PPP1R16B: variants seen among roughly 807,000 people sequenced by gnomAD.
PPP1R16B encodes protein phosphatase 1 regulatory subunit 16B.
Under a neutral mutation model 61.7 loss-of-function variants are expected in PPP1R16B, and 14 were observed. That is an observed-to-expected ratio of 0.23 (90% CI 0.15 to 0.35). The LOEUF (loss-of-function observed/expected upper bound fraction) is 0.35, where lower values mean the gene tolerates loss of function less well. Ranked by LOEUF, PPP1R16B falls within the 10% of genes least tolerant of loss-of-function variation. The pLI is 1.00. For missense variants in PPP1R16B, 547 were observed against 752.5 expected, an observed-to-expected ratio of 0.73 and a Z score of 3.19; for synonymous variants, 266 against 305.3, an observed-to-expected ratio of 0.87 and a Z score of 1.34.
chr20:38,898,811 A>AAACAAC (rs145367321), intron 4 of PPP1R16B, among the ~76,000 whole-genome samples: 3,394 of 150,196 alleles, frequency 0.023, 94 homozygotes, highest in African/African-American at 0.065. Flanking sequence ...CCTTGTTTCA[A>AAACAAC]AACAACAACA....
At chr20:38,810,579 C>G (rs1045670615) in intron 1 of PPP1R16B, among the ~76,000 whole-genome samples, 1 of 152,220 alleles carries the variant, frequency 6.6e-6, no homozygotes, top group Non-Finnish European at 1.5e-5. Flanking sequence ...ACTTGTTTCT[C>G]TCTTCCTGGG....
intron 7 of PPP1R16B, 122 bp downstream of exon 7, chr20:38,906,216 A>G: frequency 1.0e-6 from 1 of 978,972 alleles, no homozygotes; most frequent in Admixed American, 3.2e-5. Context: ...GGTGTTGAAT[A>G]TAGCTCATAT....
At chr20:38,883,570 T>G (rs2085219233) in intron 2 of PPP1R16B, among the ~76,000 whole-genome samples, 1 of 152,196 alleles carries the variant, frequency 6.6e-6, no homozygotes, top group Non-Finnish European at 1.5e-5. Context: ...GCCACCTCTT[T>G]GCCATCTCAG....
At chr20:38,811,079 T>C (rs1335288296) in intron 1 of PPP1R16B, among the ~76,000 whole-genome samples, 2 of 152,170 alleles carry the variant, frequency 1.3e-5, no homozygotes, top group Non-Finnish European at 2.9e-5. Context: ...GAGGTGTTCT[T>C]GGATGTCTCA....
At chr20:38,847,166 TC>T (rs1459603011) in intron 2 of PPP1R16B, among the ~76,000 whole-genome samples, 1 of 152,204 alleles carries the variant, frequency 6.6e-6, no homozygotes, top group African/African-American at 2.4e-5. Context: ...CCCTGCTATC[TC>T]CCCACCTCAT....
chr20:38,854,834 G>A (rs1318426620), intron 2 of PPP1R16B, among the ~76,000 whole-genome samples: 2 of 152,128 alleles, frequency 1.3e-5, no homozygotes, highest in Non-Finnish European at 2.9e-5. Flanking sequence ...TAAGCCAGAG[G>A]CAAGATTAAC....
At chr20:38,852,328 G>A (rs1482120273) in intron 2 of PPP1R16B, among the ~76,000 whole-genome samples, 11 of 152,198 alleles carry the variant, frequency 7.2e-5, no homozygotes, top group Non-Finnish European at 1.3e-4. Flanking sequence ...TGAGTTGACC[G>A]TGCTTAACTG....
chr20:38,876,923 T>C (rs1311765745), intron 2 of PPP1R16B, among the ~76,000 whole-genome samples: 1 of 152,238 alleles, frequency 6.6e-6, no homozygotes, highest in Non-Finnish European at 1.5e-5. Context: ...ATAGCTACTG[T>C]ATTTTTTTTC....
chr20:38,836,105 C>T lies in PPP1R16B; in HGVS notation c.180C>T (p.Arg60=), dbSNP rs749404021. Residue 60 remains arginine, a synonymous_variant, in exon 2 of 11, where the codon CGC becomes CGT. Coordinates refer to ENST00000299824, the MANE Select transcript of PPP1R16B (RefSeq NM_015568.4). Reference sequence around the variant, plus strand: ...AGCGGAAGCGCAGCACGGGCGGCCGCCGCAAGAAAGTGTCCTTCGAGGCCA... The same window carrying T: ...AGCGGAAGCGCAGCACGGGCGGCCGTCGCAAGAAAGTGTCCTTCGAGGCCA... ...KHERKRSTGG[R]RKKVSFEASV... 1.2e-6 allele frequency: 2 copies of T among 1,612,558 alleles called. No homozygotes were observed. The highest frequency in any genetic ancestry group is 1.3e-5 in the African/African-American group (1 of 75,068).
intron 2 of PPP1R16B, among the ~76,000 whole-genome samples, chr20:38,866,105 C>CA (rs1488909045): frequency 6.6e-6 from 1 of 151,070 alleles, no homozygotes; most frequent in African/African-American, 2.4e-5. Context: ...GCCTGGGCGA[C>CA]AGAGTGAGAC....
At chr20:38,881,039 G>A (rs2085200047) in intron 2 of PPP1R16B, among the ~76,000 whole-genome samples, 2 of 152,208 alleles carry the variant, frequency 1.3e-5, no homozygotes, top group African/African-American at 2.4e-5. Flanking sequence ...GCAAGGGGCT[G>A]GCTCCTGGGA....
chr20:38,886,297 A>G (rs571690761), intron 2 of PPP1R16B, among the ~76,000 whole-genome samples: 1 of 152,116 alleles, frequency 6.6e-6, no homozygotes, highest in Non-Finnish European at 1.5e-5. Flanking sequence ...TTGGGCTGAA[A>G]ATAACTGCCC....
intron 1 of PPP1R16B, among the ~76,000 whole-genome samples, chr20:38,828,886 T>C (rs2084819841): frequency 6.6e-6 from 1 of 152,234 alleles, no homozygotes; most frequent in Non-Finnish European, 1.5e-5. Flanking sequence ...GTAATAGTCT[T>C]CTTTCTTTTT....
chr20:38,874,182 C>T (rs2085150330), intron 2 of PPP1R16B, among the ~76,000 whole-genome samples: 1 of 152,158 alleles, frequency 6.6e-6, no homozygotes, highest in Admixed American at 6.5e-5. Flanking sequence ...GACCACAATG[C>T]CCAAACTGCC....
At chr20:38,916,669 TTTTA>T (rs1159740569) in intron 10 of PPP1R16B, among the ~76,000 whole-genome samples, 2 of 151,936 alleles carry the variant, frequency 1.3e-5, no homozygotes, top group African/African-American at 4.8e-5. Context: ...TTATTATTGT[TTTTA>T]TTTTTTACTG....
intron 2 of PPP1R16B, among the ~76,000 whole-genome samples, chr20:38,852,043 G>A (rs974809273): frequency 6.6e-6 from 1 of 151,992 alleles, no homozygotes; most frequent in Non-Finnish European, 1.5e-5. Context: ...TCGCGGGGAC[G>A]GCGGGGGGGG....
At chr20:38,882,755 A>G (rs2085212006) in intron 2 of PPP1R16B, among the ~76,000 whole-genome samples, 1 of 152,158 alleles carries the variant, frequency 6.6e-6, no homozygotes, top group East Asian at 1.9e-4. Context: ...AGCTCAATGG[A>G]GATTAGGGCA....
Position 38,907,118 on chromosome 20 carries a change from G to C in PPP1R16B, c.898+64G>C. The C allele has an allele frequency of 7.8e-7, 1 of 1,287,214 alleles. No homozygotes were observed. The allele number at this position is 1,287,214 out of a possible 1,614,324, so 79.7% of individuals were successfully genotyped here. A position where few individuals can be genotyped will look rare whatever the true frequency, so the allele number is the denominator to read the frequency against. On this transcript the variant is annotated intron_variant, in intron 8 of 10. Coordinates refer to ENST00000299824, the MANE Select transcript of PPP1R16B (RefSeq NM_015568.4). The surrounding 1 kb of genome is among the most constrained non-coding windows in gnomAD (Gnocchi z 4.5). ...GTTATCAATGTTTTGATGGGTAGAG[G>C]GAGAAATAGATAAATATATGGTTGT...
chr20:38,900,433 C>A, intron 4 of PPP1R16B, 148 bp from the exon 5 acceptor site: 1 of 585,044 alleles, frequency 1.7e-6, no homozygotes, highest in Non-Finnish European at 2.9e-6. Flanking sequence ...CAGGCAGATC[C>A]AAGCATCATC....
Sources: allele counts gnomAD v4.1 joint callset (sites outside exome capture counted in the v4.1 genomes callset), GRCh38; gene constraint gnomAD v4.1.1; non-coding constraint Gnocchi (gnomAD v3.1); transcripts MANE v1.5; gene names NCBI Gene and HGNC (gene_info 2026-07-23, HGNC 2026-07-21).